The following ZNF555 variants were observed in gnomAD, a reference collection of about 807,000 sequenced individuals.
The protein encoded by ZNF555 is zinc finger protein 555.
ZNF555 carries 10 observed loss-of-function variants against 14.0 expected under a neutral mutation model. That is an observed-to-expected ratio of 0.72 (90% confidence interval 0.44 to 1.21). The LOEUF (loss-of-function observed/expected upper bound fraction) is 1.21, where lower values mean the gene tolerates loss of function less well. Ranked by LOEUF, ZNF555 falls within the 50% of genes most tolerant of loss-of-function variation. The pLI, the probability that ZNF555 is intolerant of heterozygous loss-of-function variation, is 0.00. For synonymous variants in ZNF555, 277 were observed against 262.4 expected, an observed-to-expected ratio of 1.06 and a Z score of -0.54; for missense variants, 747 against 762.0, an observed-to-expected ratio of 0.98 and a Z score of 0.23.
chr19:2,859,180 G>A lies in ZNF555; in HGVS notation c.*5228G>A, dbSNP rs2087710202. On this transcript the variant is annotated 3_prime_UTR_variant, in exon 4 of 4. Coordinates refer to ENST00000334241, the MANE Select transcript of ZNF555 (RefSeq NM_152791.5). ...CGTCTAAAAGAGCTGTGCTTTGTTG[G>A]GGCTATCTGGGAGTTTCCGCCTTCC... is the stretch of plus-strand genomic sequence containing the variant. 6.6e-6 allele frequency: 1 copy of A among 152,252 alleles called. No homozygotes were observed. Among genetic ancestry groups the A allele is most frequent in the Admixed American group, 6.5e-5 (1 of 15,276 alleles). 9.4% of individuals were successfully genotyped at this position (152,252 alleles called of 1,614,324 possible).
At chr19:2,847,524 T>C (rs1171902452) in intron 1 of ZNF555, 1 of 152,230 alleles carries the variant, frequency 6.6e-6, no homozygotes, top group Non-Finnish European at 1.5e-5. Context: ...TTGTATGCTA[T>C]ATGTATTTAC....
Position 2,852,883 on chromosome 19 carries a change from G to A in ZNF555, c.818G>A (p.Arg273Lys). Residue 273 changes from arginine (R) to lysine (K), a missense_variant, in exon 4 of 4, where the codon AGA becomes AAA. Physicochemically the swap from Arg to Lys is conservative, Grantham distance 26 (BLOSUM62 2). Coordinates refer to ENST00000334241, the MANE Select transcript of ZNF555 (RefSeq NM_152791.5). ...KAFSYSSTFR[R>K]HTITHTGEKP... ...TTCAGTTATTCCTCAACGTTTCGAA[G>A]ACACACAATAACACACACTGGCGAG... The A allele has an allele frequency of 1.2e-6, 2 of 1,614,144 alleles. No individual in the cohort carries two copies. Among genetic ancestry groups the A allele is most frequent in the Non-Finnish European group, 1.7e-6 (2 of 1,180,034 alleles).
chr19:2,855,792 C>G lies in ZNF555; in HGVS notation c.*1840C>G, dbSNP rs192654365. ...AGAACTCACCTAGCTTCTGGTAGTT[C>G]CTTAGCTTGTGGCAGCATAACTCTA... On this transcript the variant is annotated 3_prime_UTR_variant, in exon 4 of 4. Transcript: ENST00000334241. 3.4e-4 allele frequency: 52 copies of G among 152,204 alleles called. No homozygotes were observed. Among genetic ancestry groups the G allele is most frequent in the African/African-American group, 7.9e-4 (33 of 41,524 alleles). The allele number at this position is 152,204 out of a possible 1,614,324, so 9.4% of individuals were successfully genotyped here. A position where few individuals can be genotyped will look rare whatever the true frequency, so the allele number is the denominator to read the frequency against.
chr19:2,851,879 G>A lies in ZNF555; in HGVS notation c.314+228G>A, dbSNP rs189304059. ...TATCAAGAAACCCTAGGCCAGGTAC[G>A]GTGGCTCACACCTGTAATCCTGGCA... On this transcript the variant is annotated intron_variant, in intron 3 of 3. Transcript: ENST00000334241. Among the ~76,000 whole-genome samples, 7 of 152,290 alleles carry A rather than the reference G, an allele frequency of 4.6e-5. No individual in the cohort carries two copies. The East Asian group carries it at 7.7e-4, about 17-fold the overall frequency.
chr19:2,842,621 G>C (rs960296503), intron 1 of ZNF555, among the ~76,000 whole-genome samples: 2 of 152,222 alleles, frequency 1.3e-5, no homozygotes, highest in Admixed American at 1.3e-4. Flanking sequence ...GTGGGAGGGC[G>C]TCCGTCGTGG....
chr19:2,849,452 C>T (rs888548591), intron 1 of ZNF555, among the ~76,000 whole-genome samples: 12 of 147,176 alleles, frequency 8.2e-5, no homozygotes, highest in Middle Eastern at 3.6e-3. Context: ...AAGTGGGACT[C>T]TTAACTTTAT....
chr19:2,846,206 G>A (rs1381034944), intron 1 of ZNF555, among the ~76,000 whole-genome samples: 1 of 152,208 alleles, frequency 6.6e-6, no homozygotes, highest in East Asian at 1.9e-4. Flanking sequence ...CAGTATGGAC[G>A]ACACCTGGAG....
Position 2,853,278 on chromosome 19 carries a change from T to TTCAG in ZNF555, c.1217_1220dup (p.His407GlnfsTer20). The TTCAG allele has an allele frequency of 6.2e-7, 1 of 1,614,122 alleles. No individual in the cohort carries two copies. Among genetic ancestry groups the TTCAG allele is most frequent in the South Asian group, 1.1e-5 (1 of 91,080 alleles). ...TGAATGCAACCAGTGCGGGAAAGCA[T>TTCAG]TCAGTCACCCCTCCTCCTTTCGAGG... is the stretch of plus-strand genomic sequence containing the variant. On this transcript the variant is annotated frameshift_variant, in exon 4 of 4. Coordinates refer to ENST00000334241, the MANE Select transcript of ZNF555 (RefSeq NM_152791.5). LOFTEE classifies it low-confidence loss of function (END_TRUNC).
At position 2,854,596 on chromosome 19, in the gene ZNF555, A is replaced by G. The variant is rs1407043807; in HGVS notation, c.*644A>G. The stretch of plus-strand genomic sequence containing the variant: ...ACTTGAATGAAATTTAGAATGAAGA[A>G]GAAGTAAGTCATCGCTGAGCTTTTG... On this transcript the variant is annotated 3_prime_UTR_variant, in exon 4 of 4. Transcript: ENST00000334241. 3 of 153,248 alleles carry G rather than the reference A, an allele frequency of 2.0e-5. No individual in the cohort carries two copies. Among genetic ancestry groups the G allele is most frequent in the Non-Finnish European group, 1.5e-5 (1 of 68,752 alleles). The allele number at this position is 153,248 out of a possible 1,614,324, so 9.5% of individuals were successfully genotyped here. A position where few individuals can be genotyped will look rare whatever the true frequency, so the allele number is the denominator to read the frequency against.
intron 1 of ZNF555, 119 bp downstream of exon 1, chr19:2,841,694 G>A (rs1017431885): frequency 8.0e-7 from 1 of 1,247,334 alleles, no homozygotes; most frequent in Admixed American, 4.2e-5. Context: ...GGCGGCGCAG[G>A]ACGGGAGCCT....
In ZNF555 at chr19:2,854,002, T is replaced by G. The variant is rs1383063752; in HGVS notation, c.*50T>G. On this transcript the variant is annotated 3_prime_UTR_variant, in exon 4 of 4. Coordinates refer to ENST00000334241, the MANE Select transcript of ZNF555 (RefSeq NM_152791.5). Reference sequence around the variant, plus strand: ...TCAAGGAGTGTGTCTGTAGTTCATTTGCAAATAAACATTTAGTTGAAAAAT... The same window carrying G: ...TCAAGGAGTGTGTCTGTAGTTCATTGGCAAATAAACATTTAGTTGAAAAAT... 3 of 1,595,040 alleles carry G rather than the reference T, an allele frequency of 1.9e-6. No individual in the cohort carries two copies. The highest frequency in any genetic ancestry group is 2.3e-5 in the South Asian group (2 of 88,392).
rs1360872320 is a variant in ZNF555, at chr19:2,856,860, C to T, written c.*2908C>T. On this transcript the variant is annotated 3_prime_UTR_variant, in exon 4 of 4. Coordinates refer to ENST00000334241, the MANE Select transcript of ZNF555 (RefSeq NM_152791.5). ...GGAGCTGAAAACTAATCAGTAAAGC[C>T]ACAGCAGCCAGTCATATGGGGGAGA... 2 of 152,202 alleles carry T rather than the reference C, an allele frequency of 1.3e-5. No homozygotes were observed. Among genetic ancestry groups the T allele is most frequent in the East Asian group, 3.9e-4 (2 of 5,182 alleles). The allele number at this position is 152,202 out of a possible 1,614,324, so 9.4% of individuals were successfully genotyped here.
At chr19:2,842,999 C>G (rs2087551196) in intron 1 of ZNF555, among the ~76,000 whole-genome samples, 1 of 151,172 alleles carries the variant, frequency 6.6e-6, no homozygotes, top group Non-Finnish European at 1.5e-5. Context: ...GCTGAGAACG[C>G]GCCATTGCAC....
chr19:2,851,433 C>A, intron 2 of ZNF555, 35 bp from the exon 3 acceptor site: 1 of 1,522,900 alleles, frequency 6.6e-7, no homozygotes, highest in Non-Finnish European at 8.8e-7. Context: ...CTAACAAGTG[C>A]CTTCTTATAT....
rs544702993 is a variant in ZNF555 at position 2,851,198 on chromosome 19, A to G, written c.131-270A>G. 5.3e-5 allele frequency among the ~76,000 whole-genome samples: 8 copies of G among 151,964 alleles called. No individual in the cohort carries two copies. The East Asian group carries it at 5.8e-4, about 11-fold the overall frequency. On this transcript the variant is annotated intron_variant, in intron 2 of 3. Coordinates refer to ENST00000334241, the MANE Select transcript of ZNF555 (RefSeq NM_152791.5). Reference sequence around the variant, plus strand: ...TTTTTAGTAGAGACGGGGTTTCACCATGTCAGCCAGGCTGCTCTTGAACTC... The same window carrying G: ...TTTTTAGTAGAGACGGGGTTTCACCGTGTCAGCCAGGCTGCTCTTGAACTC...
rs764671613 is a variant in ZNF555 at position 2,853,724 on chromosome 19, A to C, written c.1659A>C (p.Ile553=). Residue 553 remains isoleucine, a synonymous_variant, in exon 4 of 4, where the codon ATA becomes ATC. Coordinates refer to ENST00000334241, the MANE Select transcript of ZNF555 (RefSeq NM_152791.5). ...TCAAATGGCCATCATCTTTACCAAT[A>C]CATATGAGACTGCACACTGGAGAGA... The part of the protein sequence containing the change: ...KVFKWPSSLP[I]HMRLHTGEKP... The C allele has an allele frequency of 5.7e-6, 9 of 1,586,680 alleles. No homozygotes were observed. The East Asian group carries it at 1.8e-4, about 31-fold the overall frequency.
At chr19:2,848,982 T>A (rs895806668) in intron 1 of ZNF555, among the ~76,000 whole-genome samples, 1 of 152,166 alleles carries the variant, frequency 6.6e-6, no homozygotes, top group African/African-American at 2.4e-5. Context: ...CCCGCAATGT[T>A]AACTTCTTTC....
In ZNF555 at chr19:2,858,977, C is replaced by G. The variant is rs1361956483; in HGVS notation, c.*5025C>G. On this transcript the variant is annotated 3_prime_UTR_variant, in exon 4 of 4. Transcript: ENST00000334241. ...AAGCTCCTCACGTGCCTCCTCCCCACAGTCCAGGACGCGTCTTACTAACGC... is the reference window on the plus strand; with the variant it reads ...AAGCTCCTCACGTGCCTCCTCCCCAGAGTCCAGGACGCGTCTTACTAACGC... 1.3e-5 allele frequency: 2 copies of G among 152,442 alleles called. No individual in the cohort carries two copies. The highest frequency in any genetic ancestry group is 2.4e-5 in the African/African-American group (1 of 41,468). 9.4% of individuals were successfully genotyped at this position (152,442 alleles called of 1,614,324 possible). A position where few individuals can be genotyped will look rare whatever the true frequency, so the allele number is the denominator to read the frequency against.
chr19:2,850,248 G>A (rs1013956868), intron 1 of ZNF555, among the ~76,000 whole-genome samples: 6 of 152,122 alleles, frequency 3.9e-5, no homozygotes, highest in South Asian at 2.1e-4. Context: ...GAGCTAAAAC[G>A]GTTTGTGTGA....
Sources: allele counts gnomAD v4.1 joint callset (sites outside exome capture counted in the v4.1 genomes callset), GRCh38; gene constraint gnomAD v4.1.1; transcripts MANE v1.5; gene names NCBI Gene and HGNC (gene_info 2026-07-23, HGNC 2026-07-21).